The following TENM3 variants were observed in gnomAD, a reference collection of about 807,000 sequenced individuals.
TENM3 encodes teneurin transmembrane protein 3.
Under a neutral mutation model 255.1 loss-of-function variants are expected in TENM3, and 63 were observed. That is an observed-to-expected ratio of 0.25 (90% confidence interval 0.20 to 0.30). The LOEUF (loss-of-function observed/expected upper bound fraction) is 0.30, where lower values mean the gene tolerates loss of function less well. Among genes scored for constraint, TENM3 ranks in the 10% least tolerant of loss-of-function variants. The pLI is 1.00. For missense variants in TENM3, 2,929 were observed against 3,461.1 expected (o/e 0.85, Z 3.86); for synonymous variants, 1,306 against 1,322.3 (o/e 0.99, Z 0.27).
At chr4:182,347,003 G>GGC in intron 3 of TENM3, 74 bp downstream of exon 3, 3 of 1,092,016 alleles carry the variant, frequency 2.7e-6, no homozygotes, top group Non-Finnish European at 3.8e-6. Context: ...CGCGGGGGGG[G>GGC]ATGTTTTTCT....
the TENM3 span, among the ~76,000 whole-genome samples, chr4:182,098,089 AC>A: frequency 2.0e-5 from 3 of 152,230 alleles, no homozygotes; most frequent in African/African-American, 7.2e-5. Context: ...AAAAAGCTCA[AC>A]ATTACTAATC....
intron 3 of TENM3, among the ~76,000 whole-genome samples, chr4:182,407,989 C>A (rs1769702961): frequency 6.6e-6 from 1 of 152,142 alleles, no homozygotes; most frequent in Non-Finnish European, 1.5e-5. Context: ...AACTCCTGCC[C>A]AATGTTATAA....
At chr4:181,897,752 C>T in the TENM3 span, among the ~76,000 whole-genome samples, 1 of 152,174 alleles carries the variant, frequency 6.6e-6, no homozygotes, top group Non-Finnish European at 1.5e-5. Context: ...GATAGTGACA[C>T]ACTTGTGTAA....
At chr4:181,843,317 TG>T in the TENM3 span, among the ~76,000 whole-genome samples, 1 of 152,200 alleles carries the variant, frequency 6.6e-6, no homozygotes, top group Non-Finnish European at 1.5e-5. Flanking sequence ...TCTCCATGCC[TG>T]GGGACCAACT....
chr4:182,152,351 A>G (rs2149585003), intron 1 of TENM3, among the ~76,000 whole-genome samples: 1 of 152,118 alleles, frequency 6.6e-6, no homozygotes, highest in Middle Eastern at 3.4e-3. Context: ...TTTAACATTT[A>G]AAATAAATTT....
intron 1 of TENM3, among the ~76,000 whole-genome samples, chr4:182,249,687 A>G (rs868512061): frequency 1.3e-5 from 2 of 152,176 alleles, no homozygotes; most frequent in Admixed American, 6.5e-5. Flanking sequence ...GATGGGTCTG[A>G]TAGAGAGGGG....
chr4:182,276,108 G>C (rs570432306), intron 1 of TENM3, among the ~76,000 whole-genome samples: 1 of 152,326 alleles, frequency 6.6e-6, no homozygotes, highest in South Asian at 2.1e-4. Context: ...GGGATTTAAA[G>C]AGGGGGCTGG....
intron 24 of TENM3, among the ~76,000 whole-genome samples, chr4:182,781,304 A>G (rs1191844936): frequency 6.8e-6 from 1 of 147,500 alleles, no homozygotes; most frequent in Non-Finnish European, 1.5e-5. Flanking sequence ...TTCTGCATCT[A>G]TTGAGATAAT....
At chr4:182,476,656 C>T (rs922398011) in intron 3 of TENM3, among the ~76,000 whole-genome samples, 1 of 152,062 alleles carries the variant, frequency 6.6e-6, no homozygotes, top group Admixed American at 6.6e-5. Flanking sequence ...TCATGCTTTC[C>T]TTAGGAGCCT....
At chr4:181,904,669 C>T in the TENM3 span, among the ~76,000 whole-genome samples, 10 of 152,264 alleles carry the variant, frequency 6.6e-5, no homozygotes, top group South Asian at 1.0e-3. Flanking sequence ...CGCTGCCAGC[C>T]ATGTCCCTCC....
the TENM3 span, among the ~76,000 whole-genome samples, chr4:181,996,756 G>A: frequency 2.6e-5 from 4 of 152,186 alleles, no homozygotes; most frequent in African/African-American, 4.8e-5. Context: ...TGGAGACAAA[G>A]AAATCACGAT....
Position 182,161,767 on chromosome 4 carries a change from G to T in TENM3, c.-76+17013G>T, listed in dbSNP as rs375965471. ...TATGTGTATATATATACATATATATGTGTATATATATATACACAAATATAT... is the reference window on the plus strand; with the variant it reads ...TATGTGTATATATATACATATATATTTGTATATATATATACACAAATATAT... On this transcript the variant is annotated intron_variant, in intron 1 of 2. Coordinates refer to the TENM3 transcript ENST00000512480. 3.0e-4 allele frequency among the ~76,000 whole-genome samples: 7 copies of T among 23,726 alleles called. 2 individuals carry two copies. The highest frequency in any genetic ancestry group is 1.4e-3 in the East Asian group (1 of 698). The allele number at this position is 23,726 out of a possible 152,430, so 15.6% of individuals were successfully genotyped here. A position where few individuals can be genotyped will look rare whatever the true frequency, so the allele number is the denominator to read the frequency against.
intron 6 of TENM3, among the ~76,000 whole-genome samples, chr4:182,670,278 C>T (rs1161473202): frequency 6.6e-6 from 1 of 152,070 alleles, no homozygotes; most frequent in African/African-American, 2.4e-5. Context: ...ATTACTATAA[C>T]TCAATTTGGA....
intron 4 of TENM3, among the ~76,000 whole-genome samples, chr4:182,621,640 TAATAC>T (rs1750172384): frequency 2.7e-5 from 2 of 74,348 alleles, no homozygotes; most frequent in Non-Finnish European, 5.7e-5. Flanking sequence ...ATATAATATA[TAATAC>T]ATATTATAAT....
the TENM3 span, among the ~76,000 whole-genome samples, chr4:181,694,728 C>T: frequency 1.3e-5 from 2 of 152,184 alleles, no homozygotes; most frequent in African/African-American, 4.8e-5. Flanking sequence ...GAATGGAATA[C>T]ACAGAGCTTT....
chr4:182,434,395 G>A (rs1050434410), intron 3 of TENM3, among the ~76,000 whole-genome samples: 3 of 152,108 alleles, frequency 2.0e-5, no homozygotes, highest in Non-Finnish European at 4.4e-5. Flanking sequence ...GGGTGCCATG[G>A]CTCACACCTA....
At chr4:182,171,085 G>A (rs1579590216) in intron 1 of TENM3, among the ~76,000 whole-genome samples, 1 of 151,444 alleles carries the variant, frequency 6.6e-6, no homozygotes, top group African/African-American at 2.5e-5. Context: ...AATTCACTGA[G>A]TTCTGACCCA....
chr4:182,560,408 T>C (rs73872436), intron 3 of TENM3, among the ~76,000 whole-genome samples: 10,362 of 152,168 alleles, frequency 0.068, 402 homozygotes, highest in Middle Eastern at 0.1. Flanking sequence ...TTCAAAACTT[T>C]CGTTATTCCC....
Position 182,786,907 on chromosome 4 carries a change from C to T in TENM3, c.5305-2186C>T, listed in dbSNP as rs1047109972. Among the ~76,000 whole-genome samples, 5 of 152,098 alleles carry T rather than the reference C, an allele frequency of 3.3e-5. No individual in the cohort carries two copies. In the East Asian group the frequency reaches 5.8e-4, roughly 18 times the overall value. Reference sequence around the variant, plus strand: ...TTTCCTTTCAAAACACAATCACAGGCGCTCAAGAGCCCTAAGAAAACCATT... The same window carrying T: ...TTTCCTTTCAAAACACAATCACAGGTGCTCAAGAGCCCTAAGAAAACCATT... On this transcript the variant is annotated intron_variant, in intron 24 of 27. Transcript: ENST00000511685.
Sources: allele counts gnomAD v4.1 joint callset (sites outside exome capture counted in the v4.1 genomes callset), GRCh38; gene constraint gnomAD v4.1.1; transcripts MANE v1.5; gene names NCBI Gene and HGNC (gene_info 2026-07-23, HGNC 2026-07-21).